Variants in CALD1 observed in about 807,000 individuals in gnomAD.
CALD1 encodes the protein caldesmon.
A neutral mutation model predicts 99.9 loss-of-function variants in CALD1; 33 were observed. That is an observed-to-expected ratio of 0.33 (90% CI 0.25 to 0.44). CALD1 has a LOEUF of 0.44. CALD1 is among the 20% of genes least tolerant of loss of function. The pLI, the probability that CALD1 is intolerant of heterozygous loss-of-function variation, is 1.00. For synonymous variants in CALD1, 310 were observed against 325.0 expected (o/e 0.95, Z 0.50); for missense variants, 861 against 962.1 (o/e 0.89, Z 1.39).
At chr7:134,895,409 A>T (rs1293418466) in intron 3 of CALD1, among the ~76,000 whole-genome samples, 1 of 151,814 alleles carries the variant, frequency 6.6e-6, no homozygotes, top group Non-Finnish European at 1.5e-5. Flanking sequence ...AAACATTTTC[A>T]AATTGCTAGG....
chr7:134,891,289 T>C (rs917007611), intron 3 of CALD1: 75 of 823,030 alleles, frequency 9.1e-5, no homozygotes, highest in Non-Finnish European at 1.1e-4. Flanking sequence ...ATAACATTTC[T>C]GGAACTCCCG....
At chr7:134,941,042 T>TAATAAGA (rs1377032916) in intron 6 of CALD1, 50 bp from the exon 7 acceptor site, 3 of 1,520,640 alleles carry the variant, frequency 2.0e-6, no homozygotes, top group Non-Finnish European at 2.6e-6. Context: ...AACCAAAACC[T>TAATAAGA]AATAAGATTT....
chr7:134,750,218 G>A (rs974854317), intron 1 of CALD1, among the ~76,000 whole-genome samples: 2 of 151,820 alleles, frequency 1.3e-5, no homozygotes, highest in Non-Finnish European at 2.9e-5. Context: ...TCACCAACAG[G>A]AGCAAGGAAC....
At chr7:134,860,575 T>C (rs1800520158) in intron 2 of CALD1, among the ~76,000 whole-genome samples, 1 of 152,250 alleles carries the variant, frequency 6.6e-6, no homozygotes, top group African/African-American at 2.4e-5. Flanking sequence ...ATCCAGTGGC[T>C]CAAATTGGCT....
Position 134,935,774 on chromosome 7 carries a change from G to T in CALD1, c.1386+9G>T. 1 of 1,577,592 alleles carries T rather than the reference G, an allele frequency of 6.3e-7. No homozygotes were observed. Among genetic ancestry groups the T allele is most frequent in the African/African-American group, 1.4e-5 (1 of 73,370 alleles). ...CCTTCAAAAAAGAAGAGGTAAATAT[G>T]ATTGAAAAGTAATGATCGTAAAGCA... is the stretch of plus-strand genomic sequence containing the variant. On this transcript the variant is annotated intron_variant, in intron 6 of 14. Transcript: ENST00000361675.
intron 6 of CALD1, among the ~76,000 whole-genome samples, chr7:134,940,417 C>T (rs1255234342): frequency 2.6e-5 from 4 of 152,136 alleles, no homozygotes; most frequent in Admixed American, 6.5e-5. Flanking sequence ...TTTTTATTGA[C>T]AATGGAAATC....
intron 7 of CALD1, among the ~76,000 whole-genome samples, chr7:134,943,050 T>C (rs911424313): frequency 2.6e-5 from 4 of 152,212 alleles, no homozygotes; most frequent in Non-Finnish European, 4.4e-5. Context: ...TATTATTTAT[T>C]TTTGTTTAGC....
intron 3 of CALD1, 34 bp from the exon 4 acceptor site, chr7:134,928,720 G>A: frequency 6.2e-7 from 1 of 1,600,290 alleles, no homozygotes; most frequent in Non-Finnish European, 8.5e-7. Flanking sequence ...GTGGCAAGTG[G>A]CACGCTCAAG....
chr7:134,768,743 C>T (rs1264326148), intron 1 of CALD1, among the ~76,000 whole-genome samples: 1 of 152,134 alleles, frequency 6.6e-6, no homozygotes, highest in Non-Finnish European at 1.5e-5. Flanking sequence ...ACATACTCTG[C>T]AGTGTTAACA....
chr7:134,724,405 G>A, the CALD1 span, among the ~76,000 whole-genome samples: 3 of 152,144 alleles, frequency 2.0e-5, no homozygotes, highest in Admixed American at 6.5e-5. Context: ...AGGGGAGAGC[G>A]CCTGGGGTTG....
intron 3 of CALD1, among the ~76,000 whole-genome samples, chr7:134,892,566 AAC>A (rs1802282706): frequency 6.6e-6 from 1 of 152,182 alleles, no homozygotes; most frequent in African/African-American, 2.4e-5. Flanking sequence ...TAATCAAATA[AAC>A]AGAGAAACTC....
chr7:134,954,313 C>A (rs1258816647), intron 9 of CALD1, among the ~76,000 whole-genome samples: 1 of 152,060 alleles, frequency 6.6e-6, no homozygotes, highest in African/African-American at 2.4e-5. Context: ...TTGGTTGGGG[C>A]AGGGTGTGGA....
chr7:134,959,114 C>T (rs1476702773), intron 11 of CALD1, among the ~76,000 whole-genome samples: 9 of 151,672 alleles, frequency 5.9e-5, no homozygotes, highest in Non-Finnish European at 8.8e-5. Flanking sequence ...ACTATCTTTC[C>T]TTTCTATTAA....
chr7:134,838,138 A>AT (rs199721654), intron 1 of CALD1, among the ~76,000 whole-genome samples: 1,588 of 152,302 alleles, frequency 0.01, 19 homozygotes, highest in Non-Finnish European at 0.016. Context: ...TTCCTAACAT[A>AT]TTATCATATT....
At chr7:134,966,629 C>G (rs905359719) in intron 14 of CALD1, among the ~76,000 whole-genome samples, 1 of 152,140 alleles carries the variant, frequency 6.6e-6, no homozygotes, top group Non-Finnish European at 1.5e-5. Context: ...AGTAGCATAG[C>G]CTGCATTGAT....
At chr7:134,770,794 G>A (rs747505101) in intron 1 of CALD1, among the ~76,000 whole-genome samples, 2 of 152,180 alleles carry the variant, frequency 1.3e-5, no homozygotes, top group Non-Finnish European at 2.9e-5. Flanking sequence ...AAGGGCAGGT[G>A]TTCAAGGCAA....
intron 1 of CALD1, among the ~76,000 whole-genome samples, chr7:134,789,848 G>A (rs891974143): frequency 5.9e-5 from 9 of 152,056 alleles, no homozygotes; most frequent in Non-Finnish European, 1.2e-4. Context: ...CACGAACCTC[G>A]CTGCTCTACA....
At chr7:134,947,812 T>C (rs941071744) in intron 8 of CALD1, 43 bp downstream of exon 8, 4 of 1,591,636 alleles carry the variant, frequency 2.5e-6, no homozygotes, top group African/African-American at 2.7e-5. Context: ...CCCGGGAAAA[T>C]TCCCTAGTGC....
At chr7:134,886,157 A>G (rs1318169593) in intron 3 of CALD1, among the ~76,000 whole-genome samples, 1 of 152,242 alleles carries the variant, frequency 6.6e-6, no homozygotes, top group African/African-American at 2.4e-5. Flanking sequence ...TGGCTGGAGG[A>G]GCTGACTCAT....
Sources: allele counts gnomAD v4.1 joint callset (sites outside exome capture counted in the v4.1 genomes callset), GRCh38; gene constraint gnomAD v4.1.1; transcripts MANE v1.5; gene names NCBI Gene and HGNC (gene_info 2026-07-23, HGNC 2026-07-21).